Variants in LDHC observed in about 807,000 individuals in gnomAD.
LDHC encodes L-lactate dehydrogenase C chain.
LDHC carries 20 observed loss-of-function variants against 30.2 expected under a neutral mutation model. That is an observed-to-expected ratio of 0.66 (90% CI 0.47 to 0.96). The LOEUF (loss-of-function observed/expected upper bound fraction) is 0.96. Ranked by LOEUF, LDHC falls within the 40% of genes least tolerant of loss-of-function variation. The pLI, the probability that LDHC is intolerant of heterozygous loss-of-function variation, is 0.00. For synonymous variants in LDHC, 139 were observed against 132.7 expected, an observed-to-expected ratio of 1.05 and a Z score of -0.32; for missense variants, 362 against 394.9, an observed-to-expected ratio of 0.92 and a Z score of 0.71.
chr11:18,446,083 C>G, intron 6 of LDHC, 127 bp from the exon 7 acceptor site: 1 of 750,584 alleles, frequency 1.3e-6, no homozygotes, highest in Non-Finnish European at 2.2e-6. Context: ...TGTAAGAAAT[C>G]TATGGGAAAA....
At chr11:18,431,648 C>T (rs903236809) in intron 4 of LDHC, among the ~76,000 whole-genome samples, 13 of 152,016 alleles carry the variant, frequency 8.6e-5, no homozygotes, top group African/African-American at 1.9e-4. Context: ...CAGGTTCAAG[C>T]GATTCTCCTG....
At chr11:18,437,472 G>A (rs1176091983) in intron 5 of LDHC, among the ~76,000 whole-genome samples, 2 of 151,760 alleles carry the variant, frequency 1.3e-5, no homozygotes, top group Non-Finnish European at 2.9e-5. Flanking sequence ...CCTGGCCAGG[G>A]CCGGGCACGG....
At chr11:18,418,158 T>C (rs1296930015) in intron 3 of LDHC, among the ~76,000 whole-genome samples, 2 of 151,578 alleles carry the variant, frequency 1.3e-5, no homozygotes, top group Admixed American at 1.3e-4. Flanking sequence ...TTGAATGTGG[T>C]GTTTACCTTT....
chr11:18,429,819 G>A lies in LDHC; in HGVS notation c.327G>A (p.Leu109=). The change falls in exon 4 of 8, where the codon CTG becomes CTA. Residue 109 remains leucine, a synonymous_variant. Transcript: ENST00000541669. ...RQQEGETRLA[L]VQRNVAIMKS... is the part of the protein sequence containing the mutation. ...AGGAGGGAGAAACTCGCCTTGCCCT[G>A]GTCCAACGTAATGTGGCTATAATGA... 6.2e-7 allele frequency: 1 copy of A among 1,611,612 alleles called. No homozygotes were observed. The highest frequency in any genetic ancestry group is 8.5e-7 in the Non-Finnish European group (1 of 1,177,836).
chr11:18,422,268 A>G, intron 3 of LDHC, among the ~76,000 whole-genome samples: 1 of 24,066 alleles, frequency 4.2e-5, no homozygotes, highest in Admixed American at 4.7e-4. Flanking sequence ...AGTAATCAGA[A>G]ATCAAGGCCG....
intron 3 of LDHC, among the ~76,000 whole-genome samples, chr11:18,424,524 C>T (rs1324121574): frequency 2.6e-5 from 4 of 152,094 alleles, no homozygotes; most frequent in Non-Finnish European, 5.9e-5. Flanking sequence ...TGTACAAGAA[C>T]GTATTGTAGT....
chr11:18,412,977 CCCTCCCTCCCTTCCTTCCTTCCTT>C, intron 2 of LDHC, 134 bp downstream of exon 2: 1 of 429,674 alleles, frequency 2.3e-6, no homozygotes, highest in South Asian at 1.1e-4. Context: ...CTCCCTCCCT[CCCTCCCTCCCTTCCTTCCTTCCTT>C]CCTTCCTTTT....
intron 6 of LDHC, among the ~76,000 whole-genome samples, chr11:18,439,563 CA>C (rs34511927): frequency 0.35 from 20,609 of 59,136 alleles, 1,037 homozygotes; most frequent in African/African-American, 0.4. Flanking sequence ...AACTCCATCT[CA>C]AAAAAAAAAA....
chr11:18,416,656 C>T (rs1867027756), intron 3 of LDHC, among the ~76,000 whole-genome samples: 1 of 151,976 alleles, frequency 6.6e-6, no homozygotes, highest in African/African-American at 2.4e-5. Context: ...TAGAGTTTTG[C>T]AGTGCCTTCC....
chr11:18,434,679 A>G (rs1223197542), intron 4 of LDHC, 61 bp from the exon 5 acceptor site: 2 of 830,114 alleles, frequency 2.4e-6, no homozygotes, highest in South Asian at 3.7e-5. Flanking sequence ...TGTATTCAGG[A>G]AAAAAAAAAT....
At chr11:18,442,660 CTTTTTTTT>C (rs34884188) in intron 6 of LDHC, among the ~76,000 whole-genome samples, 1 of 112,626 alleles carries the variant, frequency 8.9e-6, no homozygotes, top group South Asian at 2.9e-4. Flanking sequence ...TTCTCTCTCT[CTTTTTTTT>C]TTTTTTTTTT....
At chr11:18,432,335 T>C (rs1454895525) in intron 4 of LDHC, among the ~76,000 whole-genome samples, 4 of 152,364 alleles carry the variant, frequency 2.6e-5, no homozygotes, top group Non-Finnish European at 5.9e-5. Context: ...GTGCTTGATA[T>C]AATTTCAATT....
chr11:18,451,171 G>C lies in LDHC; in HGVS notation c.*44G>C. 8.2e-7 allele frequency: 1 copy of C among 1,223,432 alleles called. No homozygotes were observed. Among genetic ancestry groups the C allele is most frequent in the Non-Finnish European group, 1.1e-6 (1 of 907,284 alleles). The allele number at this position is 1,223,432 out of a possible 1,614,324, so 75.8% of individuals were successfully genotyped here. A position where few individuals can be genotyped will look rare whatever the true frequency, so the allele number is the denominator to read the frequency against. ...TCCACTGTTTGGAGAACAGAAGATA[G>C]CAGGCTGTGTATTTTAAATTTTGAA... On this transcript the variant is annotated 3_prime_UTR_variant, in exon 8 of 8. Coordinates refer to ENST00000541669, the MANE Select transcript of LDHC (RefSeq NM_017448.5).
At chr11:18,413,236 C>G (rs755728674) in intron 2 of LDHC, among the ~76,000 whole-genome samples, 1 of 151,710 alleles carries the variant, frequency 6.6e-6, no homozygotes, top group Non-Finnish European at 1.5e-5. Context: ...CATGCACCAC[C>G]AGGCCTGGCT....
chr11:18,436,146 C>G (rs539173855), intron 5 of LDHC, among the ~76,000 whole-genome samples: 2 of 152,138 alleles, frequency 1.3e-5, no homozygotes, highest in Non-Finnish European at 2.9e-5. Flanking sequence ...CAGAGCCTTA[C>G]TTTGACCCTG....
intron 2 of LDHC, among the ~76,000 whole-genome samples, chr11:18,414,653 C>T (rs533000960): frequency 5.9e-5 from 9 of 152,142 alleles, no homozygotes; most frequent in African/African-American, 1.9e-4. Flanking sequence ...TATGGTGAAA[C>T]CCCGTCTGTA....
At position 18,432,789 on chromosome 11, in the gene LDHC, C is replaced by T. The variant is rs181797880; in HGVS notation, c.419-1951C>T. ...TGATATGAGAGTATCTACCCCAGCT[C>T]GCTTTTGGTGTCCATTTGCATGAAA... On this transcript the variant is annotated intron_variant, in intron 4 of 7. Transcript: ENST00000541669. Among the ~76,000 whole-genome samples the T allele has an allele frequency of 1.7e-3, 266 of 152,290 alleles. 1 individual carries two copies. The highest frequency in any genetic ancestry group is 0.01 in the Middle Eastern group (3 of 294).
chr11:18,441,253 T>C (rs1432900452), intron 6 of LDHC, among the ~76,000 whole-genome samples: 1 of 152,110 alleles, frequency 6.6e-6, no homozygotes, highest in Admixed American at 6.5e-5. Context: ...TTATCTAGCA[T>C]GGTGAAAGGA....
intron 2 of LDHC, 121 bp from the exon 3 acceptor site, chr11:18,415,063 T>A: frequency 1.8e-6 from 1 of 551,188 alleles, no homozygotes. Flanking sequence ...ACTATTTTTA[T>A]ATCATTTTTC....
Sources: gnomAD v4.1 joint callset for allele counts (sites outside exome capture counted in the v4.1 genomes callset) on GRCh38, gnomAD v4.1.1 for gene constraint, MANE v1.5 for transcripts, NCBI Gene and HGNC (gene_info 2026-07-23, HGNC 2026-07-21) for gene names.